Variants in LCORL observed in about 807,000 individuals in gnomAD.
LCORL encodes the protein ligand dependent nuclear receptor corepressor like, also known as ligand-dependent nuclear receptor corepressor-like protein.
A neutral mutation model predicts 141.8 loss-of-function variants in LCORL; 41 were observed. That is an observed-to-expected ratio of 0.29 (90% CI 0.23 to 0.38). LCORL has a LOEUF of 0.38. LCORL is among the 10% of genes least tolerant of loss of function. LCORL has a pLI of 1.00. For synonymous variants in LCORL, 618 were observed against 694.1 expected (o/e 0.89, Z 1.72); for missense variants, 1,759 against 2,035.0 (o/e 0.86, Z 2.61).
intron 6 of LCORL, chr4:17,881,169 T>C (rs958008138): frequency 2.1e-6 from 2 of 972,058 alleles, no homozygotes; most frequent in Non-Finnish European, 2.4e-6. Context: ...TTTTTTTTTT[T>C]AATATAAAAT....
intron 4 of LCORL, among the ~76,000 whole-genome samples, chr4:17,934,316 G>A (rs1167316149): frequency 6.6e-6 from 1 of 152,022 alleles, no homozygotes; most frequent in Admixed American, 6.6e-5. Flanking sequence ...GGGTATGGGG[G>A]AAAAGTGATT....
At chr4:17,849,805 AAG>A (rs1416108485) in intron 7 of LCORL, among the ~76,000 whole-genome samples, 1 of 152,084 alleles carries the variant, frequency 6.6e-6, no homozygotes, top group Non-Finnish European at 1.5e-5. Context: ...GGAACCAAAA[AAG>A]AGCCCACATC....
intron 1 of LCORL, among the ~76,000 whole-genome samples, chr4:18,012,431 G>C (rs1193042560): frequency 1.3e-5 from 2 of 152,106 alleles, no homozygotes; most frequent in Admixed American, 6.5e-5. Context: ...GTTCCTCAAT[G>C]CAACCTTACC....
intron 1 of LCORL, among the ~76,000 whole-genome samples, chr4:18,001,793 C>A (rs569669472): frequency 1.3e-5 from 2 of 152,256 alleles, no homozygotes; most frequent in South Asian, 4.1e-4. Flanking sequence ...CAATGAAATA[C>A]ATTTTATGGA....
intron 1 of LCORL, among the ~76,000 whole-genome samples, chr4:17,992,847 C>T (rs1720261250): frequency 6.6e-6 from 1 of 152,146 alleles, no homozygotes; most frequent in Non-Finnish European, 1.5e-5. Flanking sequence ...AATCTTTATA[C>T]TTTGTTAGAA....
chr4:17,921,943 G>C (rs974572551), intron 4 of LCORL, among the ~76,000 whole-genome samples: 2 of 152,090 alleles, frequency 1.3e-5, no homozygotes, highest in Non-Finnish European at 2.9e-5. Context: ...TTCAGCTTTT[G>C]GACTCTTGGA....
intron 1 of LCORL, among the ~76,000 whole-genome samples, chr4:18,004,283 T>G (rs1209582593): frequency 6.6e-6 from 1 of 152,228 alleles, no homozygotes; most frequent in African/African-American, 2.4e-5. Flanking sequence ...TAGCCCATTT[T>G]CATGCTGCTA....
chr4:17,852,792 T>C (rs1723916802), intron 7 of LCORL, among the ~76,000 whole-genome samples: 1 of 152,168 alleles, frequency 6.6e-6, no homozygotes, highest in Non-Finnish European at 1.5e-5. Context: ...GTCATAGAAA[T>C]CCAAATAATT....
chr4:17,997,209 G>A (rs1307390767), intron 1 of LCORL, among the ~76,000 whole-genome samples: 1 of 152,144 alleles, frequency 6.6e-6, no homozygotes, highest in Non-Finnish European at 1.5e-5. Context: ...GAACAAGTAT[G>A]TACTGGTCTA....
At chr4:17,995,151 T>C (rs1335351298) in intron 1 of LCORL, among the ~76,000 whole-genome samples, 2 of 152,096 alleles carry the variant, frequency 1.3e-5, no homozygotes, top group Non-Finnish European at 1.5e-5. Flanking sequence ...TGGCTTTGTT[T>C]AGTGCTTTTT....
rs762412582 is a variant in LCORL at position 17,896,037 on chromosome 4, G to C, written c.683-9876C>G. On this transcript the variant is annotated intron_variant, in intron 5 of 7. Coordinates refer to ENST00000635767, the Ensembl canonical transcript of LCORL. ...AGTTTTTGTGTGGACATATGTTTTC[G>C]ATTCTCTTGAGTAGGTTCCTCAGAG... 1.3e-5 allele frequency among the ~76,000 whole-genome samples: 2 copies of C among 152,124 alleles called. 1 individual carries two copies. Among genetic ancestry groups the C allele is most frequent in the African/African-American group, 4.8e-5 (2 of 41,424 alleles).
chr4:17,977,529 T>C (rs1437474631), intron 1 of LCORL, among the ~76,000 whole-genome samples: 1 of 152,218 alleles, frequency 6.6e-6, no homozygotes, highest in Non-Finnish European at 1.5e-5. Context: ...TATTTCCCTA[T>C]TGACCATCTT....
intron 7 of LCORL, among the ~76,000 whole-genome samples, chr4:17,863,126 G>A (rs1014202211): frequency 6.6e-6 from 1 of 152,136 alleles, no homozygotes; most frequent in Non-Finnish European, 1.5e-5. Flanking sequence ...GACCAGCCCG[G>A]TCAACATGGT....
chr4:17,985,112 T>A (rs1396474246), intron 1 of LCORL, among the ~76,000 whole-genome samples: 1 of 152,166 alleles, frequency 6.6e-6, no homozygotes, highest in African/African-American at 2.4e-5. Flanking sequence ...TATATTTTTA[T>A]TGAGCTGTGG....
intron 4 of LCORL, among the ~76,000 whole-genome samples, chr4:17,924,743 C>A (rs937287124): frequency 6.6e-6 from 1 of 152,132 alleles, no homozygotes; most frequent in Non-Finnish European, 1.5e-5. Flanking sequence ...GGCTCATGCT[C>A]ATGGAATTCA....
intron 6 of LCORL, chr4:17,882,983 C>A (rs1727777318): frequency 1.1e-6 from 1 of 937,346 alleles, no homozygotes; most frequent in African/African-American, 1.8e-5. Context: ...AGTACTCCAT[C>A]TTATTATATT....
rs549680303 is a variant in LCORL, at chr4:17,919,489, C to T, written c.431-10144G>A. ...ATACACATATTAGATATTGCAGGTT[C>T]AGTTCCAGATGACTGGAAAAAAGTG... On this transcript the variant is annotated intron_variant, in intron 4 of 7. Transcript: ENST00000635767. Among the ~76,000 whole-genome samples the T allele has an allele frequency of 1.8e-4, 28 of 152,270 alleles. No individual in the cohort carries two copies. The South Asian group carries it at 5.6e-3, about 30-fold the overall frequency.
At chr4:17,983,383 C>T (rs1483441523) in intron 1 of LCORL, among the ~76,000 whole-genome samples, 1 of 152,160 alleles carries the variant, frequency 6.6e-6, no homozygotes, top group Non-Finnish European at 1.5e-5. Context: ...GATATTGATT[C>T]TTCCTATCCA....
intron 5 of LCORL, chr4:17,893,289 G>A (rs1324111220): frequency 1.4e-6 from 1 of 708,094 alleles, no homozygotes; most frequent in Non-Finnish European, 1.7e-6. Context: ...AATTAAGATT[G>A]AGTTTAAAAC....
Sources: allele counts gnomAD v4.1 joint callset (sites outside exome capture counted in the v4.1 genomes callset), GRCh38; gene constraint gnomAD v4.1.1; transcripts MANE v1.5; gene names NCBI Gene and HGNC (gene_info 2026-07-23, HGNC 2026-07-21).